NXN: variants seen among roughly 807,000 people sequenced by gnomAD.
NXN encodes nucleoredoxin, also known as nucleoredoxin 1.
NXN carries 16 observed loss-of-function variants against 48.6 expected under a neutral mutation model. The observed-to-expected ratio is 0.33, with a 90% CI of 0.22 to 0.50. The LOEUF (loss-of-function observed/expected upper bound fraction) is 0.50. Ranked by LOEUF, NXN falls within the 20% of genes least tolerant of loss-of-function variation. NXN has a pLI of 0.98. For missense variants in NXN, 492 were observed against 605.5 expected, an observed-to-expected ratio of 0.81 and a Z score of 1.97; for synonymous variants, 281 against 269.6, an observed-to-expected ratio of 1.04 and a Z score of -0.41.
chr17:935,564 C>T (rs2068899458), intron 1 of NXN, among the ~76,000 whole-genome samples: 1 of 152,198 alleles, frequency 6.6e-6, no homozygotes, highest in Non-Finnish European at 1.5e-5. Flanking sequence ...CAAACATGCA[C>T]TCTGATCAAT....
chr17:883,178 T>G (rs2068304381), intron 1 of NXN, among the ~76,000 whole-genome samples: 1 of 152,212 alleles, frequency 6.6e-6, no homozygotes, highest in Non-Finnish European at 1.5e-5. Flanking sequence ...CACCAGGGCC[T>G]TGTTTCCTAT....
In NXN at chr17:917,030, C is replaced by G. The variant is rs1411300576; in HGVS notation, c.360+62289G>C. 6.6e-6 allele frequency among the ~76,000 whole-genome samples: 1 copy of G among 152,220 alleles called. No homozygotes were observed. The highest frequency in any genetic ancestry group is 1.5e-5 in the Non-Finnish European group (1 of 68,032). On this transcript the variant is annotated intron_variant, in intron 1 of 7. Coordinates refer to ENST00000336868, the MANE Select transcript of NXN (RefSeq NM_022463.5). This position sits in a 1 kb window ranked among gnomAD's most constrained non-coding sequence, Gnocchi z 4.5. Reference sequence around the variant, plus strand: ...TATCTTCATTCATTAATCACATTATCAGACATTCCCTGTGTGTCCTGTTCT... The same window carrying G: ...TATCTTCATTCATTAATCACATTATGAGACATTCCCTGTGTGTCCTGTTCT...
chr17:891,384 A>T (rs935262770), intron 1 of NXN, among the ~76,000 whole-genome samples: 1 of 152,260 alleles, frequency 6.6e-6, no homozygotes, highest in Non-Finnish European at 1.5e-5. Context: ...TCTCATGTTT[A>T]TAAGAGGTCA....
intron 1 of NXN, among the ~76,000 whole-genome samples, chr17:947,732 C>CAAAAA (rs1159185042): frequency 2.7e-5 from 1 of 36,656 alleles, no homozygotes. Context: ...GGCTCCCTCT[C>CAAAAA]AAAAAAAAAA....
chr17:811,509 T>TGGGGG (rs112363540), intron 5 of NXN, among the ~76,000 whole-genome samples: 6 of 143,332 alleles, frequency 4.2e-5, no homozygotes, highest in South Asian at 2.3e-4. Context: ...GCCCCGGGGT[T>TGGGGG]GGGGGGGGGG....
In NXN at chr17:937,167, A is replaced by G. The variant is rs534663525; in HGVS notation, c.360+42152T>C. Among the ~76,000 whole-genome samples, 43 of 152,108 alleles carry G rather than the reference A, an allele frequency of 2.8e-4. No homozygotes were observed. The East Asian group carries it at 7.8e-3, about 28-fold the overall frequency. On this transcript the variant is annotated intron_variant, in intron 1 of 7. Transcript: ENST00000336868. ...CCGGCTGATTTTTTGTATTTTTTGTAGAGATGGGGTTTCATCATGTTGGCC... is the reference window on the plus strand; with the variant it reads ...CCGGCTGATTTTTTGTATTTTTTGTGGAGATGGGGTTTCATCATGTTGGCC...
chr17:961,332 C>T (rs916768694), intron 1 of NXN, among the ~76,000 whole-genome samples: 13 of 151,814 alleles, frequency 8.6e-5, no homozygotes, highest in African/African-American at 2.9e-4. Flanking sequence ...TTGCAGTGAG[C>T]CGAGATCATG....
At chr17:861,848 T>C (rs1030528069) in intron 1 of NXN, among the ~76,000 whole-genome samples, 17 of 145,430 alleles carry the variant, frequency 1.2e-4, no homozygotes, top group African/African-American at 3.2e-4. Flanking sequence ...TTCTTTTAAA[T>C]TGAGACAGTC....
chr17:839,699 G>A (rs74562528), intron 1 of NXN, among the ~76,000 whole-genome samples: 7,095 of 150,742 alleles, frequency 0.047, 283 homozygotes, highest in East Asian at 0.24. Context: ...CTACGCAGGA[G>A]GTTGAGGCAG....
chr17:973,225 A>G (rs958555076), intron 1 of NXN, among the ~76,000 whole-genome samples: 2 of 152,176 alleles, frequency 1.3e-5, no homozygotes, highest in Non-Finnish European at 2.9e-5. Context: ...ATGTCTGAGC[A>G]AACCCATCCC....
chr17:955,714 G>A (rs1351080713), intron 1 of NXN, among the ~76,000 whole-genome samples: 2 of 151,264 alleles, frequency 1.3e-5, no homozygotes, highest in African/African-American at 2.4e-5. Flanking sequence ...GGCTAACACG[G>A]TGAAACCCTG....
rs1220236870 is a variant in NXN, at chr17:917,847, G to GA, written c.360+61471dup. 6.6e-6 allele frequency among the ~76,000 whole-genome samples: 1 copy of GA among 152,188 alleles called. No individual in the cohort carries two copies. Among genetic ancestry groups the GA allele is most frequent in the African/African-American group, 2.4e-5 (1 of 41,442 alleles). ...AGGGGATAAGCGACAGGAGAGGGGG[G>GA]ACTCCCGTTCCAAACAAAGGGGACT... On this transcript the variant is annotated intron_variant, in intron 1 of 7. Transcript: ENST00000336868. This position sits in a 1 kb window ranked among gnomAD's most constrained non-coding sequence, Gnocchi z 4.5.
rs961857743 is a variant in NXN at position 806,181 on chromosome 17, A to T, written c.821-934T>A. Among the ~76,000 whole-genome samples the T allele has an allele frequency of 2.2e-3, 29 of 13,066 alleles. 1 individual carries two copies. Among genetic ancestry groups the T allele is most frequent in the South Asian group, 8.6e-3 (3 of 348 alleles). The allele number at this position is 13,066 out of a possible 152,430, so 8.6% of individuals were successfully genotyped here. ...CAGCCCCCGCCGTCTGCACCCCAGC[A>T]CAACCCCCTCCCCAGGGCTGCAGCC... On this transcript the variant is annotated intron_variant, in intron 5 of 7. Transcript: ENST00000336868.
At chr17:902,342 G>A (rs1366079678) in intron 1 of NXN, among the ~76,000 whole-genome samples, 2 of 152,186 alleles carry the variant, frequency 1.3e-5, no homozygotes, top group Admixed American at 1.3e-4. Flanking sequence ...GATCCGTGAG[G>A]TTGATACTTC....
intron 1 of NXN, among the ~76,000 whole-genome samples, chr17:934,402 C>A (rs1437735968): frequency 6.7e-6 from 1 of 149,066 alleles, no homozygotes; most frequent in Non-Finnish European, 1.5e-5. Context: ...GCCGAGATAG[C>A]ACCACTGCAC....
chr17:957,400 A>G (rs1019427463), intron 1 of NXN, among the ~76,000 whole-genome samples: 5 of 151,940 alleles, frequency 3.3e-5, no homozygotes, highest in South Asian at 2.1e-4. Context: ...TTGGGAGGCC[A>G]AAGCGGGTGG....
chr17:957,899 C>A (rs1333159792), intron 1 of NXN, among the ~76,000 whole-genome samples: 1 of 152,162 alleles, frequency 6.6e-6, no homozygotes, highest in African/African-American at 2.4e-5. Flanking sequence ...AATCACACCT[C>A]CACGTCAGCA....
intron 1 of NXN, among the ~76,000 whole-genome samples, chr17:892,725 C>T (rs943031192): frequency 1.3e-5 from 2 of 152,202 alleles, no homozygotes; most frequent in Non-Finnish European, 2.9e-5. Flanking sequence ...CGCTTAGTGA[C>T]AATCGAAAAT....
chr17:841,893 T>C (rs985169035), intron 1 of NXN, among the ~76,000 whole-genome samples: 1 of 152,114 alleles, frequency 6.6e-6, no homozygotes, highest in African/African-American at 2.4e-5. Context: ...TCCCAGCACT[T>C]TGGGAGGCCG....
Sources: gnomAD v4.1 joint callset for allele counts (sites outside exome capture counted in the v4.1 genomes callset) on GRCh38, gnomAD v4.1.1 for gene constraint, Gnocchi (gnomAD v3.1) non-coding constraint, MANE v1.5 for transcripts, NCBI Gene and HGNC (gene_info 2026-07-23, HGNC 2026-07-21) for gene names.